Variants in EFEMP1 observed in about 807,000 individuals in gnomAD.
EFEMP1 encodes EGF-like fibulin extracellular matrix protein 1.
In EFEMP1, 18 loss-of-function variants were observed where a neutral mutation model predicts 65.7. The observed-to-expected ratio is 0.27, with a 90% confidence interval of 0.19 to 0.41. The LOEUF is 0.41. Ranked by LOEUF, EFEMP1 falls within the 10% of genes least tolerant of loss-of-function variation. The probability of loss-of-function intolerance (pLI) is 1.00; values close to 1 mark genes in which losing one functional copy is unlikely to be tolerated. For missense variants in EFEMP1, 469 were observed against 624.8 expected, an observed-to-expected ratio of 0.75 and a Z score of 2.66; for synonymous variants, 237 against 219.7, an observed-to-expected ratio of 1.08 and a Z score of -0.70.
chr2:55,874,861 G>T, intron 9 of EFEMP1, 85 bp downstream of exon 9: 1 of 1,419,522 alleles, frequency 7.0e-7, no homozygotes, highest in Non-Finnish European at 9.6e-7. Flanking sequence ...AAAAATGAAA[G>T]TCTATAGGAG....
rs1668605199 is a variant in EFEMP1 at position 55,867,114 on chromosome 2, C to A, written c.1441G>T (p.Val481Leu). The change falls in exon 12 of 12, where the codon GTG (valine) becomes TTG (leucine). Residue 481 changes from valine (V) to leucine (L), a missense_variant. Coordinates refer to ENST00000355426, the MANE Select transcript of EFEMP1 (RefSeq NM_001039348.3). This position sits in a 1 kb window ranked among gnomAD's most constrained non-coding sequence, Gnocchi z 4.3. ...SSIGTFRTSS[V>L]LRLTIIVGPF... ...CCCACTATTATTGTCAATCTTAACA[C>A]AGAGCTTGTGCGGAAGGTCCCTATA... The A allele has an allele frequency of 3.7e-6, 6 of 1,613,566 alleles. No homozygotes were observed. In the South Asian group the frequency reaches 6.6e-5, roughly 18 times the overall value.
In EFEMP1 at chr2:55,922,335, T is replaced by G. The variant is rs556370248; in HGVS notation, c.81+25A>C. On this transcript the variant is annotated intron_variant, in intron 3 of 11. Transcript: ENST00000355426. The surrounding 1 kb of genome is among the most constrained non-coding windows in gnomAD (Gnocchi z 5.5). ...TCACAGAATCCCGCTGAACCGTACT[T>G]ATTTCAAATTCCATCACCCCTTACC... The G allele has an allele frequency of 5.3e-5, 86 of 1,609,222 alleles. 1 individual carries two copies. The South Asian group carries it at 8.8e-4, about 16-fold the overall frequency.
chr2:55,903,472 C>T (rs1558480202), intron 5 of EFEMP1, among the ~76,000 whole-genome samples: 1 of 152,212 alleles, frequency 6.6e-6, no homozygotes, highest in East Asian at 1.9e-4. Flanking sequence ...GTTCTGCATA[C>T]ATCAACAAAA....
rs1670998637 is a variant in EFEMP1, at chr2:55,923,668, G to A, written c.-49+43C>T. The A allele has an allele frequency of 1.0e-6, 1 of 985,732 alleles. No homozygotes were observed. The highest frequency in any genetic ancestry group is 1.2e-6 in the Non-Finnish European group (1 of 830,374). The allele number at this position is 985,732 out of a possible 1,614,324, so 61.1% of individuals were successfully genotyped here. ...CACTCTCCCGCGCGCGGCCCAGTGA[G>A]TACTGGGCTCGCTCGGGGCGACCCC... On this transcript the variant is annotated intron_variant, in intron 1 of 11. Coordinates refer to ENST00000355426, the MANE Select transcript of EFEMP1 (RefSeq NM_001039348.3). The surrounding 1 kb of genome is among the most constrained non-coding windows in gnomAD (Gnocchi z 5.3).
chr2:55,907,705 C>T (rs1393000312), intron 5 of EFEMP1, among the ~76,000 whole-genome samples: 1 of 152,182 alleles, frequency 6.6e-6, no homozygotes, highest in Non-Finnish European at 1.5e-5. Context: ...TTGTGACAGA[C>T]TTGGTCTGCA....
Position 55,873,066 on chromosome 2 carries a change from C to CCACACACACACACACACACACA in EFEMP1, c.1000+1858_1000+1879dup, listed in dbSNP as rs58841515. 6.3e-4 allele frequency among the ~76,000 whole-genome samples: 92 copies of CCACACACACACACACACACACA among 145,396 alleles called. No homozygotes were observed. The highest frequency in any genetic ancestry group is 2.1e-3 in the African/African-American group (83 of 39,388). The stretch of plus-strand genomic sequence containing the variant: ...TTCTTTTGTCTCTCTGTCTCTCTCT[C>CCACACACACACACACACACACA]CACACACACACACACACACACACAC... On this transcript the variant is annotated intron_variant, in intron 9 of 11. Transcript: ENST00000355426. This position sits in a 1 kb window ranked among gnomAD's most constrained non-coding sequence, Gnocchi z 4.6.
intron 5 of EFEMP1, among the ~76,000 whole-genome samples, chr2:55,900,376 G>T (rs570746255): frequency 6.6e-6 from 1 of 151,262 alleles, no homozygotes; most frequent in South Asian, 2.1e-4. Flanking sequence ...GGATGCTCCG[G>T]GTTGGCCTCT....
At chr2:55,902,745 T>A (rs3791660) in intron 5 of EFEMP1, among the ~76,000 whole-genome samples, 1 of 151,882 alleles carries the variant, frequency 6.6e-6, no homozygotes, top group Admixed American at 6.6e-5. Context: ...AGTCATTAAT[T>A]CTATTATAAT....
In EFEMP1 at chr2:55,890,167, G is replaced by A. The variant is rs574695972; in HGVS notation, c.518-8433C>T. Among the ~76,000 whole-genome samples, 3 of 151,888 alleles carry A rather than the reference G, an allele frequency of 2.0e-5. 1 individual carries two copies. Among genetic ancestry groups the A allele is most frequent in the African/African-American group, 7.2e-5 (3 of 41,488 alleles). Reference sequence around the variant, plus strand: ...TGCAAACACTAACCAAAACAAAGTTGGCTATGCAATATTAGTATTAGAAGA... The same window carrying A: ...TGCAAACACTAACCAAAACAAAGTTAGCTATGCAATATTAGTATTAGAAGA... On this transcript the variant is annotated intron_variant, in intron 5 of 11. Transcript: ENST00000355426.
rs1669319311 is a variant in EFEMP1 at position 55,883,461 on chromosome 2, T to C, written c.518-1727A>G. Among the ~76,000 whole-genome samples the C allele has an allele frequency of 6.6e-6, 1 of 152,210 alleles. No homozygotes were observed. Among genetic ancestry groups the C allele is most frequent in the African/African-American group, 2.4e-5 (1 of 41,462 alleles). ...GCTTTATGACTCGTTAATGCAGAAA[T>C]GACAGCAGAGTATCTATTGTTTTAT... On this transcript the variant is annotated intron_variant, in intron 5 of 11. Coordinates refer to ENST00000355426, the MANE Select transcript of EFEMP1 (RefSeq NM_001039348.3). The surrounding 1 kb of genome is among the most constrained non-coding windows in gnomAD (Gnocchi z 4.5).
At chr2:55,916,902 T>C (rs947228579) in intron 5 of EFEMP1, among the ~76,000 whole-genome samples, 3 of 152,232 alleles carry the variant, frequency 2.0e-5, no homozygotes, top group Non-Finnish European at 4.4e-5. Flanking sequence ...TACAGCTGTT[T>C]CTAGAATACA....
intron 9 of EFEMP1, among the ~76,000 whole-genome samples, chr2:55,872,680 G>A (rs529383667): frequency 1.3e-5 from 2 of 152,196 alleles, no homozygotes; most frequent in East Asian, 3.9e-4. Flanking sequence ...AAGTTATCTG[G>A]AACTCAAGAA....
chr2:55,877,781 C>G lies in EFEMP1; in HGVS notation c.725G>C (p.Gly242Ala). ...ATAGTTGTTTGCTGCCAATTGAAACCCAGGACTGCACTGGCAATAAAATGA... is the reference window on the plus strand; with the variant it reads ...ATAGTTGTTTGCTGCCAATTGAAACGCAGGACTGCACTGGCAATAAAATGA... The part of the protein sequence containing the change: ...PGSFYCQCSP[G>A]FQLAANNYTC... Residue 242 changes from glycine (G) to alanine (A), a missense_variant, in exon 7 of 12, where the codon GGG (glycine) becomes GCG (alanine). Transcript: ENST00000355426. The surrounding 1 kb of genome is among the most constrained non-coding windows in gnomAD (Gnocchi z 4.5). The G allele has an allele frequency of 6.2e-7, 1 of 1,613,174 alleles. No individual in the cohort carries two copies. Among genetic ancestry groups the G allele is most frequent in the South Asian group, 1.1e-5 (1 of 91,078 alleles).
At chr2:55,896,196 C>T (rs1077778) in intron 5 of EFEMP1, among the ~76,000 whole-genome samples, 86,072 of 152,122 alleles carry the variant, frequency 0.57, 25,706 homozygotes, top group East Asian at 0.9. Flanking sequence ...TAACATTTGA[C>T]GCTTCCATAG....
Position 55,903,792 on chromosome 2 carries a change from C to CAA in EFEMP1, c.517+13872_517+13873insTT, listed in dbSNP as rs1227480914. ...TTATACAAATATATATGCATGTATA[C>CAA]ATATATATGTATACATACATATATG... On this transcript the variant is annotated intron_variant, in intron 5 of 11. Coordinates refer to ENST00000355426, the MANE Select transcript of EFEMP1 (RefSeq NM_001039348.3). 1.3e-3 allele frequency among the ~76,000 whole-genome samples: 201 copies of CAA among 152,120 alleles called. 1 individual carries two copies. The highest frequency in any genetic ancestry group is 4.0e-3 in the African/African-American group (165 of 41,482).
intron 3 of EFEMP1, among the ~76,000 whole-genome samples, chr2:55,920,535 G>C (rs1041062364): frequency 6.6e-6 from 1 of 152,212 alleles, no homozygotes; most frequent in Non-Finnish European, 1.5e-5. Context: ...ATGTGGATAC[G>C]AGCCCATTCT....
At chr2:55,890,576 C>A (rs557219851) in intron 5 of EFEMP1, among the ~76,000 whole-genome samples, 2 of 152,030 alleles carry the variant, frequency 1.3e-5, no homozygotes, top group Admixed American at 6.5e-5. Flanking sequence ...AAATAAATTT[C>A]AAAAATTTGC....
At chr2:55,881,590 C>T in intron 6 of EFEMP1, 22 bp downstream of exon 6, 2 of 1,612,942 alleles carry the variant, frequency 1.2e-6, no homozygotes, top group Non-Finnish European at 1.7e-6. Flanking sequence ...CAGGACCGTG[C>T]TCACTGCACT....
At chr2:55,920,828 C>G (rs545516540) in intron 3 of EFEMP1, among the ~76,000 whole-genome samples, 1 of 152,198 alleles carries the variant, frequency 6.6e-6, no homozygotes. Context: ...CGTGTCTCCA[C>G]AGCGGGATAC....
Sources: gnomAD v4.1 joint callset for allele counts (sites outside exome capture counted in the v4.1 genomes callset) on GRCh38, gnomAD v4.1.1 for gene constraint, Gnocchi (gnomAD v3.1) non-coding constraint, MANE v1.5 for transcripts, NCBI Gene and HGNC (gene_info 2026-07-23, HGNC 2026-07-21) for gene names.